The following TBC1D22A variants were observed in gnomAD, a reference collection of about 807,000 sequenced individuals.
The protein encoded by TBC1D22A is TBC1 domain family member 22A, also known as putative GTPase activator.
In TBC1D22A, 38 loss-of-function variants were observed where a neutral mutation model predicts 60.2. The observed-to-expected ratio is 0.63, with a 90% confidence interval of 0.49 to 0.83. The LOEUF (loss-of-function observed/expected upper bound fraction) is 0.83. Ranked by LOEUF, TBC1D22A falls within the 40% of genes least tolerant of loss-of-function variation. The pLI, the probability that TBC1D22A is intolerant of heterozygous loss-of-function variation, is 0.00. For missense variants in TBC1D22A, 628 were observed against 701.0 expected (o/e 0.90, Z 1.18); for synonymous variants, 302 against 281.7 (o/e 1.07, Z -0.72).
intron 9 of TBC1D22A, among the ~76,000 whole-genome samples, chr22:46,978,000 G>A (rs1265255537): frequency 1.3e-5 from 2 of 152,216 alleles, no homozygotes; most frequent in African/African-American, 4.8e-5. Flanking sequence ...TGTTTAACAC[G>A]CATTGTGGGA....
intron 8 of TBC1D22A, among the ~76,000 whole-genome samples, chr22:46,916,786 A>G (rs1602473162): frequency 6.6e-6 from 1 of 152,378 alleles, no homozygotes; most frequent in East Asian, 1.9e-4. Context: ...AAGACAGTGA[A>G]GTCCAGTAAA....
Position 47,027,379 on chromosome 22 carries a change from T to C in TBC1D22A, c.1202-9692T>C, listed in dbSNP as rs1049423598. On this transcript the variant is annotated intron_variant, in intron 10 of 12. Transcript: ENST00000337137. ...TTTTTGGGGAACAGGTGGTATTTGG[T>C]GACATGAGTAAGTTCTTTAGTGGTG... is the stretch of plus-strand genomic sequence containing the variant. Among the ~76,000 whole-genome samples, 40 of 152,188 alleles carry C rather than the reference T, an allele frequency of 2.6e-4. 1 individual carries two copies. The highest frequency in any genetic ancestry group is 4.4e-5 in the Non-Finnish European group (3 of 68,016).
At position 47,009,719 on chromosome 22, in the gene TBC1D22A, ATCACCATCATTTCC is replaced by A. The variant is rs1569332909; in HGVS notation, c.1201+12021_1201+12034del. On this transcript the variant is annotated intron_variant, in intron 10 of 12. Transcript: ENST00000337137. The surrounding 1 kb of genome is among the most constrained non-coding windows in gnomAD (Gnocchi z 5.8). ...CATCACCACCACCATCATCATCACTATCACCATCATTTCCTCACCATCATCACCATCAACAAACT... is the reference window on the plus strand; with the variant it reads ...CATCACCACCACCATCATCATCACTATCACCATCATCACCATCAACAAACT... 6.6e-6 allele frequency among the ~76,000 whole-genome samples: 1 copy of A among 152,184 alleles called. No homozygotes were observed. Among genetic ancestry groups the A allele is most frequent in the South Asian group, 2.1e-4 (1 of 4,826 alleles).
chr22:46,815,447 C>A (rs1205045476), intron 4 of TBC1D22A, among the ~76,000 whole-genome samples: 1 of 152,246 alleles, frequency 6.6e-6, no homozygotes, highest in Non-Finnish European at 1.5e-5. Context: ...GATGTTTTCT[C>A]GCTCAGAGTA....
intron 9 of TBC1D22A, among the ~76,000 whole-genome samples, chr22:46,991,433 C>T (rs2074935719): frequency 6.6e-6 from 1 of 152,180 alleles, no homozygotes; most frequent in South Asian, 2.1e-4. Flanking sequence ...GTTCAGCTGC[C>T]TGCAGTGCCA....
intron 11 of TBC1D22A, among the ~76,000 whole-genome samples, chr22:47,039,011 C>T (rs2062749696): frequency 6.6e-6 from 1 of 152,180 alleles, no homozygotes. Flanking sequence ...GTTTGAGACC[C>T]AGACCTCCCT....
intron 12 of TBC1D22A, among the ~76,000 whole-genome samples, chr22:47,167,400 A>T (rs2068248783): frequency 6.6e-6 from 1 of 152,208 alleles, no homozygotes; most frequent in Non-Finnish European, 1.5e-5. Context: ...CCAGCGGTTC[A>T]CCAAGTGGGA....
intron 7 of TBC1D22A, among the ~76,000 whole-genome samples, chr22:46,900,110 C>T (rs117589104): frequency 1.2e-3 from 178 of 151,548 alleles, no homozygotes; most frequent in Non-Finnish European, 2.1e-3. Context: ...ATAAAATTCA[C>T]GTATTTTAGG....
intron 9 of TBC1D22A, 110 bp from the exon 10 acceptor site, chr22:46,997,524 G>A: frequency 1.3e-6 from 1 of 795,540 alleles, no homozygotes. Context: ...CTCTGTTTGT[G>A]AATTCGTCCT....
intron 5 of TBC1D22A, among the ~76,000 whole-genome samples, chr22:46,882,915 GC>G (rs1489361297): frequency 6.6e-6 from 1 of 152,150 alleles, no homozygotes; most frequent in Admixed American, 6.5e-5. Flanking sequence ...TGATGAGTGG[GC>G]AGTGCCACTT....
At chr22:47,150,691 G>C (rs1288777316) in intron 12 of TBC1D22A, among the ~76,000 whole-genome samples, 4 of 152,184 alleles carry the variant, frequency 2.6e-5, no homozygotes, top group Non-Finnish European at 5.9e-5. Context: ...GTGGGCTGCA[G>C]CGCTAGCTCA....
chr22:47,063,112 T>C (rs131931), intron 11 of TBC1D22A, among the ~76,000 whole-genome samples: 71,609 of 151,796 alleles, frequency 0.47, 17,575 homozygotes, highest in East Asian at 0.59. Flanking sequence ...CGGTGGAGGA[T>C]GGACAGAAGG....
intron 4 of TBC1D22A, among the ~76,000 whole-genome samples, chr22:46,872,610 A>G (rs1005555266): frequency 2.0e-5 from 3 of 152,242 alleles, no homozygotes; most frequent in African/African-American, 4.8e-5. Flanking sequence ...TAAGGACTCA[A>G]TTTGCAATTG....
At chr22:46,907,624 C>T (rs937745128) in intron 7 of TBC1D22A, among the ~76,000 whole-genome samples, 4 of 152,174 alleles carry the variant, frequency 2.6e-5, no homozygotes, top group African/African-American at 7.2e-5. Flanking sequence ...TCGCCTCCAC[C>T]ATCTGCGCCT....
intron 4 of TBC1D22A, among the ~76,000 whole-genome samples, chr22:46,843,454 A>G (rs1353830954): frequency 1.4e-5 from 2 of 143,084 alleles, no homozygotes; most frequent in East Asian, 3.9e-4. Context: ...GCTGTCCCAA[A>G]TATGAATCAT....
At chr22:46,836,994 T>TA (rs34771491) in intron 4 of TBC1D22A, among the ~76,000 whole-genome samples, 43,820 of 134,840 alleles carry the variant, frequency 0.32, 6,727 homozygotes, top group South Asian at 0.45. Flanking sequence ...TCTTGTCTCC[T>TA]AAAAAAAAAA....
intron 5 of TBC1D22A, among the ~76,000 whole-genome samples, chr22:46,882,625 G>A (rs930209609): frequency 6.6e-6 from 1 of 152,242 alleles, no homozygotes; most frequent in Non-Finnish European, 1.5e-5. Flanking sequence ...GACTCGCTGA[G>A]AGCCATGAGC....
At chr22:46,993,912 C>A (rs1271603847) in intron 9 of TBC1D22A, among the ~76,000 whole-genome samples, 1 of 152,218 alleles carries the variant, frequency 6.6e-6, no homozygotes, top group Non-Finnish European at 1.5e-5. Context: ...CAGACCGACC[C>A]CCCTGTGTCT....
At chr22:47,145,262 G>A (rs1338051197) in intron 12 of TBC1D22A, among the ~76,000 whole-genome samples, 2 of 152,176 alleles carry the variant, frequency 1.3e-5, no homozygotes, top group East Asian at 1.9e-4. Flanking sequence ...GAGGCTCGGC[G>A]TCATCCTTTA....
Sources: gnomAD v4.1 joint callset for allele counts (sites outside exome capture counted in the v4.1 genomes callset) on GRCh38, gnomAD v4.1.1 for gene constraint, Gnocchi (gnomAD v3.1) non-coding constraint, MANE v1.5 for transcripts, NCBI Gene and HGNC (gene_info 2026-07-23, HGNC 2026-07-21) for gene names.